Variants in SGSH observed in about 807,000 individuals in gnomAD.
SGSH encodes the protein heparan sulfate sulfatase.
Under a neutral mutation model 51.0 loss-of-function variants are expected in SGSH, and 48 were observed. The ratio of observed to expected loss-of-function variants is 0.94; its 90% CI spans 0.75 to 1.20. The LOEUF is 1.20. Ranked by LOEUF, SGSH falls within the 50% of genes most tolerant of loss-of-function variation. The probability of loss-of-function intolerance (pLI) is 0.00; values close to 1 mark genes in which losing one functional copy is unlikely to be tolerated. For missense variants in SGSH, 662 were observed against 717.8 expected, an observed-to-expected ratio of 0.92 and a Z score of 0.89; for synonymous variants, 321 against 313.4, an observed-to-expected ratio of 1.02 and a Z score of -0.26.
intron 7 of SGSH, 86 bp downstream of exon 7, chr17:80,211,985 T>G: frequency 9.4e-7 from 1 of 1,060,598 alleles, no homozygotes; most frequent in East Asian, 2.5e-5. Context: ...CATTAGGTAA[T>G]GGGTGTGGAG....
downstream of SGSH, chr17:80,202,069 G>T: frequency 8.1e-7 from 1 of 1,237,234 alleles, no homozygotes. Flanking sequence ...TGCCAGAGCA[G>T]CTTCTGAGAC....
At position 80,209,972 on chromosome 17, in the gene SGSH, TG is replaced by T; in HGVS notation, c.*479del. 9.9e-7 allele frequency: 1 copy of T among 1,007,514 alleles called. No individual in the cohort carries two copies. Among genetic ancestry groups the T allele is most frequent in the Non-Finnish European group, 1.2e-6 (1 of 841,384 alleles). 62.4% of individuals were successfully genotyped at this position (1,007,514 alleles called of 1,614,324 possible). ...CGCCGTGCTCCCAGGTGAGTGTCGGTGGGACCTGCGTACTGCCCACGCGGCA... is the reference window on the plus strand; with the variant it reads ...CGCCGTGCTCCCAGGTGAGTGTCGGTGGACCTGCGTACTGCCCACGCGGCA... On this transcript the variant is annotated 3_prime_UTR_variant, in exon 8 of 8. Transcript: ENST00000326317.
chr17:80,220,208 G>T lies in SGSH; in HGVS notation c.88+18C>A. Reference sequence around the variant, plus strand: ...GGGCCACCGCAGGTGGGCGTGGGGGGGCGGCGCCGGCACTCACCGAGGAGC... The same window carrying T: ...GGGCCACCGCAGGTGGGCGTGGGGGTGCGGCGCCGGCACTCACCGAGGAGC... On this transcript the variant is annotated intron_variant, in intron 1 of 7. Transcript: ENST00000326317. 6.6e-7 allele frequency: 1 copy of T among 1,505,210 alleles called. No individual in the cohort carries two copies. Among genetic ancestry groups the T allele is most frequent in the Non-Finnish European group, 8.8e-7 (1 of 1,130,102 alleles). 93.2% of individuals were successfully genotyped at this position (1,505,210 alleles called of 1,614,324 possible).
At chr17:80,208,517 A>G (rs2144645144), downstream of SGSH, 2 of 562,592 alleles carry the variant, frequency 3.6e-6, no homozygotes, top group African/African-American at 1.9e-5. Flanking sequence ...GGTCACACAC[A>G]GTGAAGCCAC....
chr17:80,205,657 G>C (rs2041260388), downstream of SGSH: 1 of 1,552,782 alleles, frequency 6.4e-7, no homozygotes, highest in Non-Finnish European at 8.7e-7. Context: ...GAAAAGGTGA[G>C]GTCAAGGGCG....
At chr17:80,205,550 G>C, downstream of SGSH, 1 of 1,585,774 alleles carries the variant, frequency 6.3e-7, no homozygotes, top group Non-Finnish European at 8.6e-7. Flanking sequence ...GCCAGGAGGA[G>C]TATGAGGCCT....
downstream of SGSH, chr17:80,202,494 T>C: frequency 5.8e-6 from 9 of 1,557,160 alleles, no homozygotes; most frequent in South Asian, 9.5e-5. Context: ...TGCCTCGGCT[T>C]CCTCCTCCTG....
Position 80,213,701 on chromosome 17 carries a change from T to C in SGSH, c.745+103A>G. ...AGCTGCAGCACAGGGCCTGCCACACTGGGACCCTCACCCACATTATGCCGT... is the reference window on the plus strand; with the variant it reads ...AGCTGCAGCACAGGGCCTGCCACACCGGGACCCTCACCCACATTATGCCGT... On this transcript the variant is annotated intron_variant, in intron 6 of 7. Transcript: ENST00000326317. The surrounding 1 kb of genome is among the most constrained non-coding windows in gnomAD (Gnocchi z 4.6). 1.9e-6 allele frequency: 2 copies of C among 1,035,302 alleles called. No homozygotes were observed. The highest frequency in any genetic ancestry group is 1.4e-5 in the South Asian group (1 of 73,516). The allele number at this position is 1,035,302 out of a possible 1,614,324, so 64.1% of individuals were successfully genotyped here.
At chr17:80,205,600 C>G, downstream of SGSH, 2 of 1,568,958 alleles carry the variant, frequency 1.3e-6, no homozygotes, top group Non-Finnish European at 1.7e-6. Context: ...GGAGAGGTGT[C>G]CGGGGGCCGC....
chr17:80,216,352 T>C (rs2041892975), intron 2 of SGSH, among the ~76,000 whole-genome samples: 1 of 151,650 alleles, frequency 6.6e-6, no homozygotes, highest in African/African-American at 2.4e-5. Flanking sequence ...ACTAGTCCTG[T>C]GTGATTCCAC....
At chr17:80,214,505 C>T (rs912084204) in intron 4 of SGSH, 110 bp downstream of exon 4, 21 of 1,338,320 alleles carry the variant, frequency 1.6e-5, no homozygotes, top group Non-Finnish European at 2.1e-5. Flanking sequence ...GGAACCTTCT[C>T]CCCTGCCCCC....
downstream of SGSH, chr17:80,205,273 TCCTTCCTCC>T (rs1320261227): frequency 6.3e-6 from 7 of 1,105,046 alleles, no homozygotes; most frequent in East Asian, 1.6e-4. Context: ...CCTTCCTCCC[TCCTTCCTCC>T]CCTTCCTCCC....
intron 2 of SGSH, among the ~76,000 whole-genome samples, chr17:80,216,097 G>C (rs183835133): frequency 1.3e-5 from 2 of 152,278 alleles, no homozygotes; most frequent in East Asian, 3.9e-4. Context: ...GGGAGGTCGA[G>C]GCGGGCAGAT....
In SGSH at chr17:80,210,601, C is replaced by T. The variant is rs552049399; in HGVS notation, c.1360G>A (p.Asp454Asn). Residue 454 changes from aspartate (D) to asparagine (N), a missense_variant, in exon 8 of 8, where the codon GAC becomes AAC. Asp to Asn is a conservative substitution (Grantham distance 23). Transcript: ENST00000326317. ...DPHETQNLAT[D>N]PRFAQLLEML... is the part of the protein sequence containing the mutation. ...TCCAGAAGCTGAGCAAAGCGCGGGT[C>T]GGTGGCCAGGTTCTGGGTCTCGTGG... 1.1e-5 allele frequency: 17 copies of T among 1,613,514 alleles called. 1 individual carries two copies. The highest frequency in any genetic ancestry group is 4.0e-5 in the African/African-American group (3 of 75,022).
In SGSH at chr17:80,210,192, A is replaced by G. The variant is rs1333683545; in HGVS notation, c.*260T>C. ...GAATTCCCGTGCTGGGACATGGTTC[A>G]GACACAAGGACAACTGTGTCCCCTG... On this transcript the variant is annotated 3_prime_UTR_variant, in exon 8 of 8. Transcript: ENST00000326317. 3 of 1,394,748 alleles carry G rather than the reference A, an allele frequency of 2.2e-6. No individual in the cohort carries two copies. Among genetic ancestry groups the G allele is most frequent in the Non-Finnish European group, 2.8e-6 (3 of 1,075,528 alleles). 86.4% of individuals were successfully genotyped at this position (1,394,748 alleles called of 1,614,324 possible).
rs377165572 is a variant in SGSH at position 80,209,951 on chromosome 17, G to A, written c.*501C>T. On this transcript the variant is annotated 3_prime_UTR_variant, in exon 8 of 8. Transcript: ENST00000326317. The stretch of plus-strand genomic sequence containing the variant: ...CAGACGCTGGTAAGAGCCAGGCGCC[G>A]TGCTCCCAGGTGAGTGTCGGTGGGA... 1.1e-4 allele frequency: 115 copies of A among 1,000,780 alleles called. No homozygotes were observed. The East Asian group carries it at 6.7e-3, about 59-fold the overall frequency. 62.0% of individuals were successfully genotyped at this position (1,000,780 alleles called of 1,614,324 possible).
intron 1 of SGSH, 162 bp downstream of exon 1, chr17:80,220,064 G>C (rs1431092112): frequency 1.8e-6 from 1 of 541,416 alleles, no homozygotes; most frequent in Non-Finnish European, 3.2e-6. Context: ...CACCCGTGAA[G>C]AGTCTGGGGG....
At chr17:80,207,824 G>C (rs1166748091), downstream of SGSH, 2 of 308,274 alleles carry the variant, frequency 6.5e-6, no homozygotes, top group Admixed American at 5.0e-5. Context: ...TCCACTTACT[G>C]GTGCTTGGCT....
At chr17:80,206,865 C>T, downstream of SGSH, 1 of 634,582 alleles carries the variant, frequency 1.6e-6, no homozygotes, top group Non-Finnish European at 2.7e-6. Context: ...AGCTCCTGCC[C>T]TGCCCTCAGC....
Sources: gnomAD v4.1 joint callset for allele counts (sites outside exome capture counted in the v4.1 genomes callset) on GRCh38, gnomAD v4.1.1 for gene constraint, Gnocchi (gnomAD v3.1) non-coding constraint, MANE v1.5 for transcripts, NCBI Gene and HGNC (gene_info 2026-07-23, HGNC 2026-07-21) for gene names.